Variants in TTC17 observed in about 807,000 individuals in gnomAD.
The protein encoded by TTC17 is tetratricopeptide repeat domain 17, also known as tetratricopeptide repeat protein 17.
In TTC17, 58 loss-of-function variants were observed where a neutral mutation model predicts 143.8. The observed-to-expected ratio is 0.40, with a 90% CI of 0.33 to 0.50. The LOEUF (loss-of-function observed/expected upper bound fraction) is 0.50. TTC17 is among the 20% of genes least tolerant of loss of function. The pLI is 0.49. For missense variants in TTC17, 1,273 were observed against 1,392.5 expected (o/e 0.91, Z 1.37); for synonymous variants, 501 against 497.8 (o/e 1.01, Z -0.09).
At chr11:43,413,104 AAG>A (rs1289726449) in intron 15 of TTC17, among the ~76,000 whole-genome samples, 2 of 152,096 alleles carry the variant, frequency 1.3e-5, no homozygotes, top group African/African-American at 4.8e-5. Flanking sequence ...CTATAATTAA[AAG>A]AGTATGGTAT....
intron 1 of TTC17, 136 bp downstream of exon 1, chr11:43,359,249 G>T: frequency 9.0e-6 from 10 of 1,110,258 alleles, no homozygotes; most frequent in Non-Finnish European, 1.2e-5. Flanking sequence ...CCGCGACCTC[G>T]GACTCCCTGC....
chr11:43,390,551 G>C (rs987900033), intron 3 of TTC17, among the ~76,000 whole-genome samples: 5 of 151,040 alleles, frequency 3.3e-5, no homozygotes, highest in African/African-American at 1.2e-4. Context: ...AGGAGGCAGA[G>C]CTTGCAGTGA....
At chr11:43,365,526 CCAAAGTGCTGGGATTACAGG>C (rs1218931030) in intron 1 of TTC17, among the ~76,000 whole-genome samples, 11 of 152,192 alleles carry the variant, frequency 7.2e-5, no homozygotes, top group African/African-American at 2.7e-4. Context: ...CCTTGGCCTC[CCAAAGTGCTGGGATTACAGG>C]CATGAGCCGC....
At chr11:43,490,871 A>C (rs998174556) in intron 22 of TTC17, 7 of 151,334 alleles carry the variant, frequency 4.6e-5, no homozygotes, top group African/African-American at 1.5e-4. Context: ...AAAAAAAAAA[A>C]AAAAAAAAAA....
intron 16 of TTC17, 126 bp downstream of exon 16, chr11:43,414,902 A>T: frequency 1.0e-6 from 1 of 994,912 alleles, no homozygotes; most frequent in Non-Finnish European, 1.4e-6. Flanking sequence ...ATAATTCCAG[A>T]TGCATAGGAA....
At chr11:43,471,620 G>A (rs1948094239) in intron 21 of TTC17, among the ~76,000 whole-genome samples, 1 of 152,220 alleles carries the variant, frequency 6.6e-6, no homozygotes, top group Non-Finnish European at 1.5e-5. Context: ...TCCCACGGGG[G>A]AAGATTTCGA....
At chr11:43,450,567 G>A (rs1214895543) in intron 20 of TTC17, among the ~76,000 whole-genome samples, 1 of 152,088 alleles carries the variant, frequency 6.6e-6, no homozygotes, top group East Asian at 1.9e-4. Context: ...AAGAAGGAAG[G>A]GTAAGGAAAG....
chr11:43,486,247 TAA>T (rs1314283136), intron 21 of TTC17, among the ~76,000 whole-genome samples: 2 of 152,066 alleles, frequency 1.3e-5, no homozygotes, highest in African/African-American at 2.4e-5. Flanking sequence ...ATTCCAAAAA[TAA>T]ATATAAGTTT....
chr11:43,363,528 G>A (rs1280460253), intron 1 of TTC17, among the ~76,000 whole-genome samples: 2 of 152,074 alleles, frequency 1.3e-5, no homozygotes, highest in African/African-American at 4.8e-5. Context: ...ATAATTGGAG[G>A]GCTAAAAATT....
chr11:43,368,329 C>G (rs1350241042), intron 1 of TTC17, among the ~76,000 whole-genome samples: 3 of 152,206 alleles, frequency 2.0e-5, no homozygotes, highest in Non-Finnish European at 4.4e-5. Flanking sequence ...CAACTGCCTA[C>G]TGAACATCAC....
chr11:43,418,029 C>A (rs554388359), intron 16 of TTC17, among the ~76,000 whole-genome samples: 2 of 152,238 alleles, frequency 1.3e-5, no homozygotes, highest in Admixed American at 6.5e-5. Context: ...CTTGGAATGC[C>A]TATGCAGGTA....
chr11:43,471,096 C>G (rs76656412), intron 21 of TTC17, among the ~76,000 whole-genome samples: 1,613 of 152,294 alleles, frequency 0.011, 23 homozygotes, highest in African/African-American at 0.036. Flanking sequence ...TTAAATCCAC[C>G]TGATCCACCT....
Position 43,491,707 on chromosome 11 carries a change from G to C in TTC17, c.3151-313G>C, listed in dbSNP as rs2134496737. ...ACAGTACACAGACTTTTTATTAGCA[G>C]TCTGCAATGAGACAAGGAGCTTCAC... On this transcript the variant is annotated intron_variant, in intron 22 of 23. Coordinates refer to ENST00000039989, the MANE Select transcript of TTC17 (RefSeq NM_018259.6). 1.0e-5 allele frequency: 3 copies of C among 300,174 alleles called. No individual in the cohort carries two copies. The South Asian group carries it at 1.4e-4, about 14-fold the overall frequency. The allele number at this position is 300,174 out of a possible 1,614,324, so 18.6% of individuals were successfully genotyped here. A position where few individuals can be genotyped will look rare whatever the true frequency, so the allele number is the denominator to read the frequency against.
At chr11:43,451,082 A>C in intron 20 of TTC17, 100 bp from the exon 21 acceptor site, 1 of 1,105,134 alleles carries the variant, frequency 9.0e-7, no homozygotes, top group Admixed American at 1.9e-5. Flanking sequence ...CCAGAAAAAC[A>C]GTTTGCCTCT....
chr11:43,360,002 G>T (rs1296175555), intron 1 of TTC17, among the ~76,000 whole-genome samples: 1 of 152,206 alleles, frequency 6.6e-6, no homozygotes, highest in Non-Finnish European at 1.5e-5. Flanking sequence ...AACACTTGAG[G>T]ACAATCTTGA....
At position 43,458,055 on chromosome 11, in the gene TTC17, C is replaced by T. The variant is rs1414628296; in HGVS notation, c.3030+6790C>T. 5.3e-5 allele frequency among the ~76,000 whole-genome samples: 8 copies of T among 152,126 alleles called. No individual in the cohort carries two copies. The East Asian group carries it at 1.5e-3, about 29-fold the overall frequency. On this transcript the variant is annotated intron_variant, in intron 21 of 23. Coordinates refer to ENST00000039989, the MANE Select transcript of TTC17 (RefSeq NM_018259.6). ...AAAAATATTATTTCTGTATCAGTTA[C>T]CTATTGTTACAAACAAACAAATGGC...
At chr11:43,374,484 A>G (rs560556249) in intron 1 of TTC17, among the ~76,000 whole-genome samples, 1 of 152,086 alleles carries the variant, frequency 6.6e-6, no homozygotes, top group African/African-American at 2.4e-5. Context: ...GAGTAAACCT[A>G]TAGAATGGGA....
At chr11:43,432,620 C>T (rs1947183956) in intron 16 of TTC17, among the ~76,000 whole-genome samples, 1 of 152,182 alleles carries the variant, frequency 6.6e-6, no homozygotes, top group African/African-American at 2.4e-5. Context: ...AGAATCTCCC[C>T]ATTTTTGTGT....
chr11:43,477,314 T>A (rs747575063), intron 21 of TTC17, among the ~76,000 whole-genome samples: 19 of 152,252 alleles, frequency 1.2e-4, no homozygotes, highest in Non-Finnish European at 2.5e-4. Context: ...TTCTAATCTC[T>A]GCCTGTTACT....
Sources: allele counts gnomAD v4.1 joint callset (sites outside exome capture counted in the v4.1 genomes callset), GRCh38; gene constraint gnomAD v4.1.1; transcripts MANE v1.5; gene names NCBI Gene and HGNC (gene_info 2026-07-23, HGNC 2026-07-21).